Variants in DGKG observed in about 807,000 individuals in gnomAD.
DGKG encodes diacylglycerol kinase gamma.
A neutral mutation model predicts 105.3 loss-of-function variants in DGKG; 78 were observed. That is an observed-to-expected ratio of 0.74 (90% confidence interval 0.62 to 0.89). The LOEUF (loss-of-function observed/expected upper bound fraction) is 0.89, where lower values mean the gene tolerates loss of function less well. Among genes scored for constraint, DGKG ranks in the 40% least tolerant of loss-of-function variants. DGKG has a pLI of 0.00. For synonymous variants in DGKG, 346 were observed against 367.1 expected (o/e 0.94, Z 0.66); for missense variants, 958 against 1,020.1 (o/e 0.94, Z 0.83).
chr3:186,314,059 C>T (rs1053741004), intron 2 of DGKG, among the ~76,000 whole-genome samples: 1 of 152,124 alleles, frequency 6.6e-6, no homozygotes, highest in African/African-American at 2.4e-5. Flanking sequence ...GAAACTTTGT[C>T]ATAATCTGAT....
At chr3:186,352,095 A>G (rs1726660218) in intron 1 of DGKG, among the ~76,000 whole-genome samples, 1 of 152,066 alleles carries the variant, frequency 6.6e-6, no homozygotes, top group South Asian at 2.1e-4. Flanking sequence ...CACTCCCCCC[A>G]GGCAATGTTA....
chr3:186,269,788 G>A (rs1458975943), intron 11 of DGKG, among the ~76,000 whole-genome samples: 1 of 152,180 alleles, frequency 6.6e-6, no homozygotes, highest in Non-Finnish European at 1.5e-5. Flanking sequence ...GGTTGTATCT[G>A]CTCCGTGACC....
chr3:186,274,602 T>C (rs1048311220), intron 10 of DGKG, among the ~76,000 whole-genome samples: 2 of 143,378 alleles, frequency 1.4e-5, no homozygotes, highest in Non-Finnish European at 3.0e-5. Context: ...GTGTTCTCAT[T>C]GTCCAATTCC....
chr3:186,316,777 A>G (rs1724838678), intron 2 of DGKG, among the ~76,000 whole-genome samples: 1 of 152,218 alleles, frequency 6.6e-6, no homozygotes, highest in Non-Finnish European at 1.5e-5. Context: ...CCCACTGGAG[A>G]AAGTTCTCAA....
intron 3 of DGKG, among the ~76,000 whole-genome samples, chr3:186,299,103 C>T (rs1352992405): frequency 6.6e-6 from 1 of 152,214 alleles, no homozygotes; most frequent in Admixed American, 6.5e-5. Context: ...CAACAGTTTG[C>T]AGTGAGTCAT....
At chr3:186,344,646 G>A (rs894024167) in intron 1 of DGKG, among the ~76,000 whole-genome samples, 3 of 152,022 alleles carry the variant, frequency 2.0e-5, no homozygotes, top group African/African-American at 7.2e-5. Context: ...TGGGTACTGG[G>A]CTTAATACCT....
intron 1 of DGKG, among the ~76,000 whole-genome samples, chr3:186,356,501 T>G (rs1483890165): frequency 6.6e-6 from 1 of 152,164 alleles, no homozygotes; most frequent in Non-Finnish European, 1.5e-5. Context: ...TTACTTCAGT[T>G]GATATTAAGC....
chr3:186,283,707 A>C (rs1722932349), intron 7 of DGKG, among the ~76,000 whole-genome samples: 1 of 152,250 alleles, frequency 6.6e-6, no homozygotes, highest in Non-Finnish European at 1.5e-5. Flanking sequence ...CATAATGCAG[A>C]TACTCAGTAA....
intron 7 of DGKG, among the ~76,000 whole-genome samples, chr3:186,282,794 G>A (rs1174149374): frequency 1.3e-5 from 2 of 152,162 alleles, no homozygotes; most frequent in African/African-American, 4.8e-5. Context: ...GGGATTATAG[G>A]CTTGAACTAC....
chr3:186,220,238 C>T (rs1409250791), intron 20 of DGKG, among the ~76,000 whole-genome samples: 1 of 152,166 alleles, frequency 6.6e-6, no homozygotes, highest in African/African-American at 2.4e-5. Context: ...CTCAATATGG[C>T]ACCCATGGTG....
chr3:186,166,363 C>A (rs114537333), intron 22 of DGKG, among the ~76,000 whole-genome samples: 2,038 of 152,306 alleles, frequency 0.013, 50 homozygotes, highest in African/African-American at 0.047. Context: ...CCCTAGTACT[C>A]CTTTCTTCAT....
At chr3:186,298,699 A>G (rs1459174483) in intron 3 of DGKG, among the ~76,000 whole-genome samples, 1 of 152,104 alleles carries the variant, frequency 6.6e-6, no homozygotes, top group Non-Finnish European at 1.5e-5. Context: ...GATGCAAAGA[A>G]ATAGTTCTTC....
intron 1 of DGKG, among the ~76,000 whole-genome samples, chr3:186,354,579 C>T (rs1726816401): frequency 6.6e-6 from 1 of 152,202 alleles, no homozygotes; most frequent in Admixed American, 6.5e-5. Context: ...CCTTTTCTTG[C>T]CACAGCAGAC....
chr3:186,215,148 C>T (rs538265013), intron 20 of DGKG, among the ~76,000 whole-genome samples: 4 of 152,262 alleles, frequency 2.6e-5, no homozygotes, highest in South Asian at 2.1e-4. Flanking sequence ...CGACGGCTCA[C>T]GCCTGTCATC....
chr3:186,335,569 A>T (rs1725794505), intron 1 of DGKG, among the ~76,000 whole-genome samples: 1 of 152,184 alleles, frequency 6.6e-6, no homozygotes, highest in Admixed American at 6.5e-5. Context: ...ACAGTAAGAT[A>T]CTTTTGCCAC....
chr3:186,323,403 A>T (rs1196893819), intron 1 of DGKG, among the ~76,000 whole-genome samples: 1 of 152,224 alleles, frequency 6.6e-6, no homozygotes, highest in East Asian at 1.9e-4. Flanking sequence ...ATGTCAATTC[A>T]ATATTGCTGT....
At chr3:186,267,917 C>CGT (rs145318120) in intron 12 of DGKG, 140 bp from the exon 13 acceptor site, 644 of 696,786 alleles carry the variant, frequency 9.2e-4, no homozygotes, top group East Asian at 1.9e-3. Flanking sequence ...ACAGTATTGC[C>CGT]GTGTGTGTGT....
intron 20 of DGKG, among the ~76,000 whole-genome samples, chr3:186,214,417 G>C (rs1414438286): frequency 1.3e-5 from 2 of 152,120 alleles, no homozygotes; most frequent in African/African-American, 4.8e-5. Context: ...TTACTTATTA[G>C]CTATTATTAT....
At chr3:186,319,828 C>T (rs1450298026) in intron 2 of DGKG, among the ~76,000 whole-genome samples, 1 of 152,174 alleles carries the variant, frequency 6.6e-6, no homozygotes, top group Non-Finnish European at 1.5e-5. Context: ...CCAAGAGCCC[C>T]AAGTAAAAGC....
Sources: gnomAD v4.1 joint callset for allele counts (sites outside exome capture counted in the v4.1 genomes callset) on GRCh38, gnomAD v4.1.1 for gene constraint, MANE v1.5 for transcripts, NCBI Gene and HGNC (gene_info 2026-07-23, HGNC 2026-07-21) for gene names.